The following TJP2 variants were observed in gnomAD, a reference collection of about 807,000 sequenced individuals.
TJP2 encodes Friedreich ataxia region gene X104 (tight junction protein ZO-2).
In TJP2, 91 loss-of-function variants were observed where a neutral mutation model predicts 133.1. The observed-to-expected ratio is 0.68, with a 90% confidence interval of 0.58 to 0.81. The LOEUF is 0.81. Ranked by LOEUF, TJP2 falls within the 40% of genes least tolerant of loss-of-function variation. The probability of loss-of-function intolerance (pLI) is 0.00; values close to 1 mark genes in which losing one functional copy is unlikely to be tolerated. For synonymous variants in TJP2, 592 were observed against 583.4 expected (o/e 1.01, Z -0.21); for missense variants, 1,541 against 1,565.6 (o/e 0.98, Z 0.26).
chr9:69,178,319 A>G (rs538799110), intron 1 of TJP2, among the ~76,000 whole-genome samples: 5 of 152,330 alleles, frequency 3.3e-5, no homozygotes, highest in African/African-American at 1.2e-4. Context: ...AAAACAGAAA[A>G]CCAGCTACCA....
At chr9:69,140,370 G>T (rs1235498495) in intron 1 of TJP2, among the ~76,000 whole-genome samples, 1 of 152,182 alleles carries the variant, frequency 6.6e-6, no homozygotes, top group Non-Finnish European at 1.5e-5. Flanking sequence ...CAGAGACATT[G>T]ACTCTTCCAA....
chr9:69,229,150 A>G, intron 9 of TJP2, 34 bp from the exon 10 acceptor site: 1 of 1,601,138 alleles, frequency 6.2e-7, no homozygotes, highest in Non-Finnish European at 8.6e-7. Flanking sequence ...TTGTTAGTCC[A>G]GATTGATAAC....
At chr9:69,214,002 G>A (rs557621866) in intron 2 of TJP2, among the ~76,000 whole-genome samples, 49 of 152,148 alleles carry the variant, frequency 3.2e-4, no homozygotes, top group African/African-American at 1.1e-3. Flanking sequence ...TTTTAGTCTC[G>A]GAGTAAATTT....
At chr9:69,134,993 G>A (rs554142672) in intron 1 of TJP2, among the ~76,000 whole-genome samples, 1 of 151,472 alleles carries the variant, frequency 6.6e-6, no homozygotes, top group African/African-American at 2.4e-5. Flanking sequence ...GAGAGAGAGA[G>A]AGATCTGTTT....
chr9:69,158,776 T>A (rs1823903564), intron 2 of TJP2, among the ~76,000 whole-genome samples: 1 of 152,112 alleles, frequency 6.6e-6, no homozygotes. Flanking sequence ...ATGATTTCCA[T>A]TTCATCTGAT....
chr9:69,245,159 G>A (rs1222547508), intron 17 of TJP2, among the ~76,000 whole-genome samples: 1 of 152,098 alleles, frequency 6.6e-6, no homozygotes, highest in African/African-American at 2.4e-5. Context: ...ATTTTCTTCG[G>A]GTTGTCTAAT....
rs145896042 is a variant in TJP2 at position 69,175,017 on chromosome 9, A to G, written c.60+585A>G. On this transcript the variant is annotated intron_variant, in intron 1 of 22. Transcript: ENST00000377245. Reference sequence around the variant, plus strand: ...GTATTCTAGTACTAGCCTACCTGTCACCAGTTCTTTTTATGTCTTCATTTG... The same window carrying G: ...GTATTCTAGTACTAGCCTACCTGTCGCCAGTTCTTTTTATGTCTTCATTTG... Among the ~76,000 whole-genome samples the G allele has an allele frequency of 9.2e-3, 1,392 of 151,310 alleles. 28 individuals carry two copies. The highest frequency in any genetic ancestry group is 0.031 in the African/African-American group (1,279 of 41,200).
At chr9:69,184,321 T>A (rs1825705154) in intron 1 of TJP2, among the ~76,000 whole-genome samples, 1 of 152,178 alleles carries the variant, frequency 6.6e-6, no homozygotes, top group Non-Finnish European at 1.5e-5. Flanking sequence ...GCAAAAAAAG[T>A]TAGAAAGCTG....
intron 1 of TJP2, among the ~76,000 whole-genome samples, chr9:69,206,553 T>TTTA (rs71354324): frequency 3.3e-5 from 5 of 149,482 alleles, no homozygotes; most frequent in East Asian, 4.0e-4. Flanking sequence ...TCTCCCTATT[T>TTTA]TTTATTTATT....
Position 69,251,198 on chromosome 9 carries a change from C to T in TJP2, c.3155C>T (p.Pro1052Leu). 1.2e-6 allele frequency: 2 copies of T among 1,614,074 alleles called. No individual in the cohort carries two copies. The highest frequency in any genetic ancestry group is 1.3e-5 in the African/African-American group (1 of 74,988). The change falls in exon 21 of 23, where the codon CCC becomes CTC. Residue 1052 changes from proline (P) to leucine (L), a missense_variant. Physicochemically the swap from Pro to Leu is moderately conservative, Grantham distance 98. Coordinates refer to ENST00000377245, the MANE Select transcript of TJP2 (RefSeq NM_004817.4). The stretch of plus-strand genomic sequence containing the variant: ...ACCTTTGGGCGGTCTATACTGAAGC[C>T]CTCCACTCCCATCCCTCCTCAAGAG... ...KPTFGRSILK[P>L]STPIPPQEGE...
At chr9:69,250,108 A>T (rs1831221760) in intron 20 of TJP2, among the ~76,000 whole-genome samples, 1 of 152,114 alleles carries the variant, frequency 6.6e-6, no homozygotes, top group African/African-American at 2.4e-5. Flanking sequence ...ATTATTTATT[A>T]TTACTATTTT....
intron 20 of TJP2, among the ~76,000 whole-genome samples, chr9:69,250,377 T>G (rs1831244201): frequency 6.6e-6 from 1 of 152,214 alleles, no homozygotes; most frequent in Non-Finnish European, 1.5e-5. Flanking sequence ...GTGCTGGGAT[T>G]ACAGGCGTGA....
At chr9:69,196,956 C>CGTGTGTGTGTGTGT (rs1564425716) in intron 1 of TJP2, among the ~76,000 whole-genome samples, 1 of 150,918 alleles carries the variant, frequency 6.6e-6, no homozygotes, top group African/African-American at 2.5e-5. Flanking sequence ...TACACACACA[C>CGTGTGTGTGTGTGT]ACACACACAC....
At chr9:69,174,511 T>A in intron 1 of TJP2, 79 bp downstream of exon 1, 5 of 1,445,848 alleles carry the variant, frequency 3.5e-6, no homozygotes, top group Non-Finnish European at 4.7e-6. Context: ...TCTGCTCGCG[T>A]GCTGCTCTGA....
intron 11 of TJP2, among the ~76,000 whole-genome samples, chr9:69,231,018 G>T (rs1250763388): frequency 6.6e-6 from 1 of 152,184 alleles, no homozygotes; most frequent in Non-Finnish European, 1.5e-5. Flanking sequence ...ATGTGTGTGT[G>T]TGTGTGTAGC....
chr9:69,174,502 C>G (rs968919908), intron 1 of TJP2, 70 bp downstream of exon 1: 12 of 1,462,540 alleles, frequency 8.2e-6, no homozygotes, highest in Non-Finnish European at 1.0e-5. Flanking sequence ...GCTGGGGGCT[C>G]TGCTCGCGTG....
intron 11 of TJP2, among the ~76,000 whole-genome samples, chr9:69,231,690 C>G (rs1829797175): frequency 6.6e-6 from 1 of 152,098 alleles, no homozygotes; most frequent in Non-Finnish European, 1.5e-5. Context: ...ATGAGCTTTG[C>G]AAAAGCTTTT....
intron 1 of TJP2, among the ~76,000 whole-genome samples, chr9:69,211,160 A>G (rs1160777105): frequency 6.6e-6 from 1 of 152,220 alleles, no homozygotes; most frequent in Non-Finnish European, 1.5e-5. Context: ...CAACATGGTG[A>G]AGCCCCATCT....
chr9:69,171,789 A>AT (rs34717893), upstream of TJP2, among the ~76,000 whole-genome samples: 17,645 of 85,988 alleles, frequency 0.21, 2,844 homozygotes, highest in Middle Eastern at 0.31. Context: ...GAGTAGAAGA[A>AT]TTTTTTTTTT....
Sources: allele counts gnomAD v4.1 joint callset (sites outside exome capture counted in the v4.1 genomes callset), GRCh38; gene constraint gnomAD v4.1.1; transcripts MANE v1.5; gene names NCBI Gene and HGNC (gene_info 2026-07-23, HGNC 2026-07-21).